DLG2: variants seen among roughly 807,000 people sequenced by gnomAD.
DLG2 encodes discs large MAGUK scaffold protein 2, also known as disks large homolog 2.
DLG2 carries 45 observed loss-of-function variants against 132.5 expected under a neutral mutation model. That is an observed-to-expected ratio of 0.34 (90% confidence interval 0.27 to 0.44). DLG2 has a LOEUF of 0.44. Ranked by LOEUF, DLG2 falls within the 20% of genes least tolerant of loss-of-function variation. The pLI is 1.00. For missense variants in DLG2, 1,045 were observed against 1,196.9 expected (o/e 0.87, Z 1.87); for synonymous variants, 424 against 419.6 (o/e 1.01, Z -0.13).
intron 4 of DLG2, among the ~76,000 whole-genome samples, chr11:85,192,390 G>A (rs1044229298): frequency 2.0e-5 from 3 of 152,146 alleles, no homozygotes; most frequent in Admixed American, 1.3e-4. Context: ...CTGTGACATA[G>A]AGATAGTTAT....
intron 6 of DLG2, among the ~76,000 whole-genome samples, chr11:85,064,252 T>C (rs924560151): frequency 5.3e-5 from 8 of 151,850 alleles, no homozygotes; most frequent in Non-Finnish European, 8.8e-5. Flanking sequence ...ATTTTATCTT[T>C]TCAAAAATGT....
At chr11:84,289,214 CA>C (rs1437167357) in intron 7 of DLG2, among the ~76,000 whole-genome samples, 2 of 151,948 alleles carry the variant, frequency 1.3e-5, no homozygotes, top group African/African-American at 2.4e-5. Context: ...TCAAATGTAA[CA>C]AAAGAATTTC....
intron 21 of DLG2, among the ~76,000 whole-genome samples, chr11:83,524,232 C>T (rs1382267693): frequency 2.0e-5 from 3 of 152,096 alleles, no homozygotes; most frequent in African/African-American, 4.8e-5. Flanking sequence ...CTGTCTGATT[C>T]CAAACTTTTC....
chr11:83,556,378 C>CT (rs11368850), intron 19 of DLG2, among the ~76,000 whole-genome samples: 67,706 of 144,180 alleles, frequency 0.47, 16,296 homozygotes, highest in African/African-American at 0.56. Context: ...CTTTTTCTTT[C>CT]TTTTTTTTTT....
At chr11:84,911,704 C>T (rs182460467) in intron 6 of DLG2, among the ~76,000 whole-genome samples, 17 of 152,186 alleles carry the variant, frequency 1.1e-4, no homozygotes, top group Middle Eastern at 3.4e-3. Context: ...CAAATGTGTA[C>T]AAATATCTTA....
intron 6 of DLG2, among the ~76,000 whole-genome samples, chr11:84,598,235 A>C (rs1346197203): frequency 6.6e-6 from 1 of 152,162 alleles, no homozygotes; most frequent in African/African-American, 2.4e-5. Flanking sequence ...AGAAACCACC[A>C]ACTAGTACTT....
intron 3 of DLG2, among the ~76,000 whole-genome samples, chr11:85,527,978 G>A (rs1598290031): frequency 6.6e-6 from 1 of 152,082 alleles, no homozygotes; most frequent in South Asian, 2.1e-4. Flanking sequence ...TATGCTTGTT[G>A]TCTTCTTTGA....
intron 7 of DLG2, among the ~76,000 whole-genome samples, chr11:84,529,192 G>C (rs2154519664): frequency 6.6e-6 from 1 of 152,208 alleles, no homozygotes; most frequent in South Asian, 2.1e-4. Context: ...AGATCATACT[G>C]AATGGACAAA....
chr11:85,414,193 T>C (rs1302994056), intron 3 of DLG2, among the ~76,000 whole-genome samples: 2 of 152,088 alleles, frequency 1.3e-5, no homozygotes, highest in Admixed American at 6.6e-5. Context: ...AATTTGATTA[T>C]CAGCTTTGTC....
At chr11:84,139,375 A>G (rs2094741617) in intron 9 of DLG2, among the ~76,000 whole-genome samples, 2 of 152,142 alleles carry the variant, frequency 1.3e-5, no homozygotes, top group Admixed American at 1.3e-4. Flanking sequence ...AGAGGGAGGA[A>G]ACCATATAGG....
At chr11:84,491,316 G>A (rs1042299706) in intron 7 of DLG2, among the ~76,000 whole-genome samples, 10 of 151,998 alleles carry the variant, frequency 6.6e-5, no homozygotes, top group African/African-American at 2.4e-4. Context: ...TATTATAAGG[G>A]GGAGTTTTCC....
At chr11:85,257,875 A>G (rs79802516) in intron 4 of DLG2, among the ~76,000 whole-genome samples, 3,033 of 152,336 alleles carry the variant, frequency 0.02, 59 homozygotes, top group Admixed American at 0.038. Context: ...TACAAATGAG[A>G]AAATATAAGG....
intron 7 of DLG2, among the ~76,000 whole-genome samples, chr11:84,277,669 A>C (rs1042914004): frequency 6.6e-6 from 1 of 152,202 alleles, no homozygotes; most frequent in Non-Finnish European, 1.5e-5. Flanking sequence ...GAGAAAAAAA[A>C]TATAGCAAAT....
At chr11:84,099,518 G>C (rs552975977) in intron 9 of DLG2, among the ~76,000 whole-genome samples, 1 of 151,910 alleles carries the variant, frequency 6.6e-6, no homozygotes, top group Non-Finnish European at 1.5e-5. Context: ...GTCAAATAAT[G>C]TGTTTCTAAG....
At chr11:83,945,989 C>CTTTTTTTTT (rs1565755834) in intron 14 of DLG2, among the ~76,000 whole-genome samples, 1 of 123,508 alleles carries the variant, frequency 8.1e-6, no homozygotes, top group African/African-American at 3.5e-5. Context: ...CTTTCTCTCT[C>CTTTTTTTTT]TCTCTTTTTT....
At chr11:83,786,647 A>G (rs756718610) in intron 18 of DLG2, 43 bp downstream of exon 18, 1 of 1,521,284 alleles carries the variant, frequency 6.6e-7, no homozygotes, top group South Asian at 1.1e-5. Flanking sequence ...ACAGATCCAC[A>G]CAGAGACATA....
intron 7 of DLG2, among the ~76,000 whole-genome samples, chr11:84,461,374 A>G (rs2154485567): frequency 6.6e-6 from 1 of 150,962 alleles, no homozygotes; most frequent in East Asian, 2.0e-4. Context: ...TTCTATAGGT[A>G]TTATTTTTGC....
intron 3 of DLG2, among the ~76,000 whole-genome samples, chr11:85,370,569 A>G (rs185002834): frequency 6.6e-6 from 1 of 152,340 alleles, no homozygotes; most frequent in African/African-American, 2.4e-5. Flanking sequence ...TGGTTATAAA[A>G]GGTTTTTGCT....
intron 19 of DLG2, among the ~76,000 whole-genome samples, chr11:83,556,495 C>A (rs1353913627): frequency 6.6e-6 from 1 of 151,938 alleles, no homozygotes; most frequent in Non-Finnish European, 1.5e-5. Flanking sequence ...ATCTCAGCCT[C>A]CTGTGTAGCT....
Sources: allele counts gnomAD v4.1 joint callset (sites outside exome capture counted in the v4.1 genomes callset), GRCh38; gene constraint gnomAD v4.1.1; transcripts MANE v1.5; gene names NCBI Gene and HGNC (gene_info 2026-07-23, HGNC 2026-07-21).